Variants in FOXN2 observed in about 807,000 individuals in gnomAD.
The protein encoded by FOXN2 is forkhead box protein N2.
FOXN2 carries 19 observed loss-of-function variants against 41.2 expected under a neutral mutation model. The ratio of observed to expected loss-of-function variants is 0.46; its 90% CI spans 0.32 to 0.68. The LOEUF (loss-of-function observed/expected upper bound fraction) is 0.68, where lower values mean the gene tolerates loss of function less well. FOXN2 is among the 30% of genes least tolerant of loss of function. The pLI, the probability that FOXN2 is intolerant of heterozygous loss-of-function variation, is 0.03. For missense variants in FOXN2, 587 were observed against 509.4 expected (o/e 1.15, Z -1.47); for synonymous variants, 195 against 176.8 (o/e 1.10, Z -0.82).
chr2:48,332,276 TCAGA>T (rs1337245265), intron 2 of FOXN2, among the ~76,000 whole-genome samples: 2 of 152,196 alleles, frequency 1.3e-5, no homozygotes, highest in African/African-American at 2.4e-5. Context: ...AATGTTGGCA[TCAGA>T]CAAAGCTGTT....
chr2:48,330,657 T>C (rs139740645), intron 2 of FOXN2, among the ~76,000 whole-genome samples: 1 of 152,130 alleles, frequency 6.6e-6, no homozygotes, highest in African/African-American at 2.4e-5. Context: ...CTTGATTTGC[T>C]GATGACATGC....
rs974931416 is a variant in FOXN2, at chr2:48,375,011, G to T, written c.864G>T (p.Glu288Asp). ...ATCCCAGTGCTGTACGATTACAAGA[G>T]AGTGATTCTTTAGCCACCAGCATTG... The part of the protein sequence containing the change: ...FHHPSAVRLQ[E>D]SDSLATSIDP... The change falls in exon 7 of 7, where the codon GAG becomes GAT. Residue 288 changes from glutamate to aspartate, a missense_variant. Coordinates refer to ENST00000340553, the MANE Select transcript of FOXN2 (RefSeq NM_002158.4). 1.2e-6 allele frequency: 2 copies of T among 1,613,902 alleles called. No homozygotes were observed. Among genetic ancestry groups the T allele is most frequent in the African/African-American group, 1.3e-5 (1 of 74,914 alleles).
chr2:48,321,069 C>G (rs943713291), intron 1 of FOXN2, among the ~76,000 whole-genome samples: 6 of 152,020 alleles, frequency 3.9e-5, no homozygotes, highest in African/African-American at 1.4e-4. Context: ...AGTACAGCAT[C>G]TACTATATTT....
chr2:48,362,795 A>G, intron 5 of FOXN2, 88 bp downstream of exon 5: 2 of 1,095,006 alleles, frequency 1.8e-6, no homozygotes, highest in South Asian at 1.3e-5. Flanking sequence ...GTCCCCTAAG[A>G]TTATAATGGA....
intron 3 of FOXN2, among the ~76,000 whole-genome samples, chr2:48,351,669 C>G (rs1429731389): frequency 1.3e-5 from 2 of 152,040 alleles, no homozygotes; most frequent in East Asian, 3.9e-4. Flanking sequence ...GGTTTGAGCT[C>G]CTGTGAGAAT....
At chr2:48,344,441 A>T (rs1435226599) in intron 2 of FOXN2, among the ~76,000 whole-genome samples, 1 of 152,214 alleles carries the variant, frequency 6.6e-6, no homozygotes, top group African/African-American at 2.4e-5. Context: ...TATTGTGGTT[A>T]GAGTTTTGTT....
chr2:48,352,919 T>G (rs1422903670), intron 3 of FOXN2, among the ~76,000 whole-genome samples: 2 of 152,140 alleles, frequency 1.3e-5, no homozygotes, highest in East Asian at 1.9e-4. Context: ...ACAAGTTGCT[T>G]TTTGATTCTG....
intron 3 of FOXN2, among the ~76,000 whole-genome samples, chr2:48,352,863 G>A (rs1361858114): frequency 6.6e-6 from 1 of 152,114 alleles, no homozygotes; most frequent in African/African-American, 2.4e-5. Flanking sequence ...AAAGCCAGGG[G>A]TTAGATTCAA....
chr2:48,320,272 GA>G (rs1669211545), intron 1 of FOXN2, among the ~76,000 whole-genome samples: 1 of 151,870 alleles, frequency 6.6e-6, no homozygotes, highest in African/African-American at 2.4e-5. Flanking sequence ...AGTTATACTA[GA>G]CATATGAGTG....
intron 3 of FOXN2, among the ~76,000 whole-genome samples, chr2:48,347,819 T>G (rs1219458688): frequency 6.6e-6 from 1 of 152,194 alleles, no homozygotes; most frequent in Non-Finnish European, 1.5e-5. Context: ...TAAACTTTTT[T>G]GTGGGGTGCA....
intron 1 of FOXN2, among the ~76,000 whole-genome samples, chr2:48,327,274 T>C (rs1288301777): frequency 6.6e-6 from 1 of 152,048 alleles, no homozygotes; most frequent in Non-Finnish European, 1.5e-5. Flanking sequence ...TAGTAGCAAA[T>C]AGAACTAACA....
At chr2:48,314,675 G>C (rs1668758475), upstream of FOXN2, 1 of 153,156 alleles carries the variant, frequency 6.5e-6, no homozygotes, top group African/African-American at 2.4e-5. Flanking sequence ...GTGCTGCCGG[G>C]GCCGCCACTG....
Position 48,374,070 on chromosome 2 carries a change from C to CA in FOXN2, c.772+722dup, listed in dbSNP as rs199915487. ...GAGGGACAGAGTGAGACTCTGTCTC[C>CA]AAAAAAAAAAAAGCATTCTGACAAC... On this transcript the variant is annotated intron_variant, in intron 6 of 6. Coordinates refer to ENST00000340553, the MANE Select transcript of FOXN2 (RefSeq NM_002158.4). Among the ~76,000 whole-genome samples, 245 of 111,104 alleles carry CA rather than the reference C, an allele frequency of 2.2e-3. 1 individual carries two copies. Among genetic ancestry groups the CA allele is most frequent in the South Asian group, 0.02 (68 of 3,468 alleles). The allele number at this position is 111,104 out of a possible 152,430, so 72.9% of individuals were successfully genotyped here.
At chr2:48,321,259 G>A (rs1032582547) in intron 1 of FOXN2, among the ~76,000 whole-genome samples, 1 of 152,098 alleles carries the variant, frequency 6.6e-6, no homozygotes, top group African/African-American at 2.4e-5. Flanking sequence ...ATCTAGGCTG[G>A]GCACAGTGGC....
At chr2:48,352,765 A>G (rs772114736) in intron 3 of FOXN2, among the ~76,000 whole-genome samples, 3 of 152,234 alleles carry the variant, frequency 2.0e-5, no homozygotes, top group African/African-American at 4.8e-5. Flanking sequence ...TGAAAGGAAT[A>G]TAGACATTAT....
intron 2 of FOXN2, among the ~76,000 whole-genome samples, chr2:48,329,238 A>G (rs1669876078): frequency 6.6e-6 from 1 of 152,202 alleles, no homozygotes; most frequent in Non-Finnish European, 1.5e-5. Context: ...ACTGTGTACA[A>G]TTGACAGAAA....
intron 3 of FOXN2, among the ~76,000 whole-genome samples, chr2:48,352,611 C>A (rs1193368501): frequency 6.6e-6 from 1 of 152,160 alleles, no homozygotes; most frequent in African/African-American, 2.4e-5. Flanking sequence ...ATTATTAGAT[C>A]TGGAGGTATC....
intron 5 of FOXN2, among the ~76,000 whole-genome samples, chr2:48,365,567 G>C (rs530946067): frequency 6.6e-6 from 1 of 152,234 alleles, no homozygotes; most frequent in Admixed American, 6.5e-5. Context: ...ACAAGTTTTT[G>C]CTGCTAGTTT....
intron 1 of FOXN2, among the ~76,000 whole-genome samples, chr2:48,315,226 C>T (rs1291022944): frequency 6.6e-6 from 1 of 152,126 alleles, no homozygotes; most frequent in Non-Finnish European, 1.5e-5. Context: ...AGGGAAGTAC[C>T]CCAAGCACCT....
Sources: gnomAD v4.1 joint callset for allele counts (sites outside exome capture counted in the v4.1 genomes callset) on GRCh38, gnomAD v4.1.1 for gene constraint, MANE v1.5 for transcripts, NCBI Gene and HGNC (gene_info 2026-07-23, HGNC 2026-07-21) for gene names.